Variants in TRPC5 observed in about 807,000 individuals in gnomAD.
The protein encoded by TRPC5 is short transient receptor potential channel 5.
TRPC5 carries 9 observed loss-of-function variants against 56.5 expected under a neutral mutation model. The observed-to-expected ratio is 0.16, with a 90% CI of 0.10 to 0.28. The LOEUF is 0.28. Among genes scored for constraint, TRPC5 ranks in the 10% least tolerant of loss-of-function variants. TRPC5 has a pLI of 1.00. For synonymous variants in TRPC5, 282 were observed against 278.5 expected, an observed-to-expected ratio of 1.01 and a Z score of -0.13; for missense variants, 469 against 748.9, an observed-to-expected ratio of 0.63 and a Z score of 4.36.
chrX:111,919,464 C>G (rs949930285), intron 2 of TRPC5, among the ~76,000 whole-genome samples: 1 of 112,061 alleles, frequency 8.9e-6, no homozygotes, highest in Non-Finnish European at 1.9e-5. Context: ...TAACACTCAA[C>G]GCAAAGCTCC....
intron 1 of TRPC5, among the ~76,000 whole-genome samples, chrX:111,992,468 A>T (rs1012978444): frequency 9.0e-6 from 1 of 111,640 alleles, no homozygotes; most frequent in East Asian, 2.8e-4. Flanking sequence ...AGTGGCTAAG[A>T]TAACTGACTG....
At chrX:112,077,983 T>A (rs974425596) in intron 1 of TRPC5, among the ~76,000 whole-genome samples, 4 of 111,076 alleles carry the variant, frequency 3.6e-5, no homozygotes, top group African/African-American at 1.3e-4. Flanking sequence ...AGACTGAGTA[T>A]ACTAAACCAG....
chrX:111,911,661 C>T (rs1459356946), intron 3 of TRPC5, among the ~76,000 whole-genome samples: 4 of 112,400 alleles, frequency 3.6e-5, no homozygotes, highest in South Asian at 7.4e-4. Flanking sequence ...CCCTCAAAGA[C>T]GTGGAACCTA....
intron 1 of TRPC5, among the ~76,000 whole-genome samples, chrX:112,047,774 A>G (rs1314589310): frequency 9.0e-6 from 1 of 111,512 alleles, no homozygotes; most frequent in Non-Finnish European, 1.9e-5. Flanking sequence ...TTCACTGGCT[A>G]TTTCTTTCTC....
rs1387290582 is a variant in TRPC5 at position 112,028,674 on chromosome X, A to G, written c.-22+53205T>C. Among the ~76,000 whole-genome samples the G allele has an allele frequency of 2.7e-5, 3 of 112,391 alleles. No homozygotes were observed. In the East Asian group the frequency reaches 8.4e-4, roughly 31 times the overall value. Reference sequence around the variant, plus strand: ...CCACATTTTCTTAATCCAGTCTAACATTGATGGACATTTGGGCTGGTTCCA... The same window carrying G: ...CCACATTTTCTTAATCCAGTCTAACGTTGATGGACATTTGGGCTGGTTCCA... On this transcript the variant is annotated intron_variant, in intron 1 of 10. Transcript: ENST00000262839.
Position 111,776,915 on chromosome X carries a change from T to C in TRPC5, c.2320A>G (p.Ser774Gly). 8.4e-7 allele frequency: 1 copy of C among 1,197,397 alleles called. No homozygotes were observed. The highest frequency in any genetic ancestry group is 1.1e-6 in the Non-Finnish European group (1 of 887,922). Residue 774 changes from serine to glycine, a missense_variant, in exon 11 of 11, where the codon AGC becomes GGC. Physicochemically the swap from Ser to Gly is moderately conservative, Grantham distance 56. This residue lies in a region of TRPC5 where 194 missense variants were observed against 221.8 expected (regional missense o/e 0.87). Transcript: ENST00000262839. ...RKHPRSFSTS[S>G]TELSQRDDNN... ...TCGTCTCTCTGAGACAGTTCAGTGCTGCTAGTGGAAAAGCTCCTTGGATGT... is the reference window on the plus strand; with the variant it reads ...TCGTCTCTCTGAGACAGTTCAGTGCCGCTAGTGGAAAAGCTCCTTGGATGT...
intron 1 of TRPC5, among the ~76,000 whole-genome samples, chrX:111,965,102 T>C (rs1231627848): frequency 9.1e-6 from 1 of 110,104 alleles, no homozygotes; most frequent in East Asian, 2.8e-4. Flanking sequence ...GAGACACACA[T>C]AGGCTCAAAA....
intron 7 of TRPC5, among the ~76,000 whole-genome samples, chrX:111,815,011 C>CTATTTGCAGGTGA (rs2072048553): frequency 9.0e-6 from 1 of 111,406 alleles, no homozygotes; most frequent in Admixed American, 9.6e-5. Context: ...GAGATCCCAG[C>CTATTTGCAGGTGA]TATTTGCAGG....
At position 111,855,142 on chromosome X, in the gene TRPC5, A is replaced by G. The variant is rs776636877; in HGVS notation, c.901-1036T>C. Among the ~76,000 whole-genome samples the G allele has an allele frequency of 6.7e-4, 75 of 112,370 alleles. 1 individual carries two copies. The highest frequency in any genetic ancestry group is 2.4e-3 in the African/African-American group (74 of 31,010). On this transcript the variant is annotated intron_variant, in intron 3 of 10. Coordinates refer to ENST00000262839, the MANE Select transcript of TRPC5 (RefSeq NM_012471.3). ...AGTACAAAGGAAATAAACCTCTTTC[A>G]TCATTTACCCAACACCAAAGGTAAA...
chrX:111,795,538 T>G (rs1314374685), intron 7 of TRPC5, among the ~76,000 whole-genome samples: 1 of 111,195 alleles, frequency 9.0e-6, no homozygotes, highest in Non-Finnish European at 1.9e-5. Context: ...GTATATGTCA[T>G]CACAATGACT....
At chrX:111,820,386 G>A (rs1482513878) in intron 7 of TRPC5, among the ~76,000 whole-genome samples, 1 of 112,013 alleles carries the variant, frequency 8.9e-6, no homozygotes, top group Non-Finnish European at 1.9e-5. Flanking sequence ...CAGTAGGAGG[G>A]GGTAAACTAT....
chrX:111,848,783 A>C (rs1280151860), intron 5 of TRPC5, among the ~76,000 whole-genome samples: 2 of 111,758 alleles, frequency 1.8e-5, no homozygotes, highest in African/African-American at 6.5e-5. Context: ...AGTTTTACGT[A>C]CTCTTGGCCA....
chrX:112,024,967 A>G (rs1929376932), intron 1 of TRPC5, among the ~76,000 whole-genome samples: 1 of 112,244 alleles, frequency 8.9e-6, no homozygotes, highest in African/African-American at 3.2e-5. Flanking sequence ...CTAAATCATC[A>G]CTAGTATGCA....
In TRPC5 at chrX:111,847,450, C is replaced by A; in HGVS notation, c.1378-14G>T. The A allele has an allele frequency of 8.5e-7, 1 of 1,180,344 alleles. No homozygotes were observed. The highest frequency in any genetic ancestry group is 3.0e-5 in the East Asian group (1 of 33,540). ...AGAACCATTATACTGAAAGAAACAA[C>A]AAGTGCACAAGATGAGGGGTACAGT... On this transcript the variant is annotated splice_polypyrimidine_tract_variant and intron_variant, in intron 5 of 10. Transcript: ENST00000262839.
At chrX:112,050,586 T>C (rs1930190556) in intron 1 of TRPC5, among the ~76,000 whole-genome samples, 1 of 111,707 alleles carries the variant, frequency 9.0e-6, no homozygotes, top group East Asian at 2.8e-4. Context: ...TATTAACATG[T>C]AGTTCAGATA....
rs769668200 is a variant in TRPC5 at position 111,885,201 on chromosome X, T to TA, written c.900+27089dup. On this transcript the variant is annotated intron_variant, in intron 3 of 10. Transcript: ENST00000262839. ...GTCTAGATAAGGCATTGCCAGGACC[T>TA]AAGTCTAGAGAAGGCCTATTCATTT... Among the ~76,000 whole-genome samples the TA allele has an allele frequency of 4.4e-5, 5 of 113,008 alleles. No individual in the cohort carries two copies. The East Asian group carries it at 1.4e-3, about 31-fold the overall frequency.
At chrX:111,820,167 A>G (rs1425303933) in intron 7 of TRPC5, among the ~76,000 whole-genome samples, 1 of 112,183 alleles carries the variant, frequency 8.9e-6, no homozygotes, top group African/African-American at 3.2e-5. Context: ...GACATCATGT[A>G]TTTTTTAACA....
chrX:111,950,296 G>A (rs995654502), intron 2 of TRPC5, among the ~76,000 whole-genome samples: 1 of 109,172 alleles, frequency 9.2e-6, no homozygotes, highest in Admixed American at 9.8e-5. Context: ...CTGCACTCCA[G>A]CCTGGGTGAC....
chrX:111,925,122 C>T (rs138747992), intron 2 of TRPC5, among the ~76,000 whole-genome samples: 2,844 of 112,414 alleles, frequency 0.025, 100 homozygotes, highest in African/African-American at 0.087. Flanking sequence ...ATTACCTATC[C>T]AGTTTAGTTT....
Sources: allele counts gnomAD v4.1 joint callset (sites outside exome capture counted in the v4.1 genomes callset), GRCh38; gene constraint gnomAD v4.1.1; regional missense constraint gnomAD v4.1.1; transcripts MANE v1.5; gene names NCBI Gene and HGNC (gene_info 2026-07-23, HGNC 2026-07-21).